Variants in PPP2R5C observed in about 807,000 individuals in gnomAD.
The protein encoded by PPP2R5C is serine/threonine-protein phosphatase 2A 56 kDa regulatory subunit gamma isoform.
A neutral mutation model predicts 68.9 loss-of-function variants in PPP2R5C; 7 were observed. That is an observed-to-expected ratio of 0.10 (90% confidence interval 0.06 to 0.19). The LOEUF is 0.19. Ranked by LOEUF, PPP2R5C falls within the 10% of genes least tolerant of loss-of-function variation. The probability of loss-of-function intolerance (pLI) is 1.00; values close to 1 mark genes in which losing one functional copy is unlikely to be tolerated. For missense variants in PPP2R5C, 348 were observed against 641.3 expected (o/e 0.54, Z 4.94); for synonymous variants, 210 against 222.2 (o/e 0.95, Z 0.49).
intron 10 of PPP2R5C, among the ~76,000 whole-genome samples, chr14:101,907,264 G>C (rs193113799): frequency 5.9e-5 from 9 of 152,100 alleles, no homozygotes; most frequent in African/African-American, 2.2e-4. Flanking sequence ...TCGACCTCCT[G>C]GGCTCAAGCA....
chr14:101,848,612 A>G (rs1341552123), intron 1 of PPP2R5C, among the ~76,000 whole-genome samples: 1 of 152,128 alleles, frequency 6.6e-6, no homozygotes, highest in African/African-American at 2.4e-5. Context: ...TCTCAGGTAG[A>G]TCCAGGTGAG....
chr14:101,773,722 TCTCA>T (rs1444920076), intron 2 of PPP2R5C, among the ~76,000 whole-genome samples: 2 of 152,034 alleles, frequency 1.3e-5, no homozygotes, highest in East Asian at 3.9e-4. Context: ...AGAGACAGGG[TCTCA>T]CTCTGTTGCC....
Position 101,786,008 on chromosome 14 carries a change from G to GTTTTT in PPP2R5C, c.94-6_94-5insTTTTT. 1 of 1,519,688 alleles carries GTTTTT rather than the reference G, an allele frequency of 6.6e-7. No individual in the cohort carries two copies. Among genetic ancestry groups the GTTTTT allele is most frequent in the East Asian group, 2.5e-5 (1 of 40,630 alleles). 94.1% of individuals were successfully genotyped at this position (1,519,688 alleles called of 1,614,324 possible). On this transcript the variant is annotated splice_polypyrimidine_tract_variant and intron_variant, in intron 2 of 14. Coordinates refer to the PPP2R5C transcript ENST00000328724. ...TACATATTCATTTGTTTTTGTTTTTGTTTTGGAAGCAAATTTCCGTCAGGA... is the reference window on the plus strand; with the variant it reads ...TACATATTCATTTGTTTTTGTTTTTGTTTTTTTTTGGAAGCAAATTTCCGTCAGGA...
At chr14:101,907,992 G>A (rs1053123814) in intron 10 of PPP2R5C, among the ~76,000 whole-genome samples, 19 of 152,212 alleles carry the variant, frequency 1.2e-4, no homozygotes, top group African/African-American at 4.6e-4. Flanking sequence ...AGAAGGGCAG[G>A]CAGATCAGAG....
upstream of PPP2R5C, among the ~76,000 whole-genome samples, chr14:101,806,397 A>T (rs1021409299): frequency 5.9e-5 from 9 of 152,026 alleles, no homozygotes; most frequent in African/African-American, 2.2e-4. Flanking sequence ...GCTGAGAATG[A>T]TGGCTTCCAG....
rs1422051693 is a variant in PPP2R5C at position 101,877,385 on chromosome 14, G to A, written c.295-4776G>A. 2.0e-5 allele frequency among the ~76,000 whole-genome samples: 3 copies of A among 152,146 alleles called. No homozygotes were observed. The highest frequency in any genetic ancestry group is 7.2e-5 in the African/African-American group (3 of 41,420). On this transcript the variant is annotated intron_variant, in intron 2 of 13. Transcript: ENST00000334743. The surrounding 1 kb of genome is among the most constrained non-coding windows in gnomAD (Gnocchi z 4.2). ...TGCCTTTGTTGGGCAGCGTGATTCTGCGTCTGTGCCTCTGGGTGTGCGCTG... is the reference window on the plus strand; with the variant it reads ...TGCCTTTGTTGGGCAGCGTGATTCTACGTCTGTGCCTCTGGGTGTGCGCTG...
intron 13 of PPP2R5C, among the ~76,000 whole-genome samples, chr14:101,922,834 T>A (rs530202788): frequency 2.1e-4 from 32 of 152,016 alleles, no homozygotes; most frequent in African/African-American, 4.6e-4. Flanking sequence ...AAAAAAAAAA[T>A]TTTAAAGAAA....
At chr14:101,829,641 C>T (rs2040614107) in intron 1 of PPP2R5C, among the ~76,000 whole-genome samples, 1 of 152,136 alleles carries the variant, frequency 6.6e-6, no homozygotes, top group South Asian at 2.1e-4. Context: ...GACGATTTTT[C>T]CTCTTAACCT....
At chr14:101,787,497 C>T (rs1456981883) in intron 3 of PPP2R5C, among the ~76,000 whole-genome samples, 4 of 151,968 alleles carry the variant, frequency 2.6e-5, no homozygotes, top group African/African-American at 9.7e-5. Flanking sequence ...GGCGCAGTGG[C>T]TCATGCCTGT....
chr14:101,844,690 A>G (rs2041715077), intron 1 of PPP2R5C, among the ~76,000 whole-genome samples: 1 of 152,218 alleles, frequency 6.6e-6, no homozygotes, highest in South Asian at 2.1e-4. Flanking sequence ...TTTTCAGTGT[A>G]TCTTTTTCAC....
In PPP2R5C at chr14:101,877,898, G is replaced by A. The variant is rs1215551831; in HGVS notation, c.295-4263G>A. Among the ~76,000 whole-genome samples, 1 of 152,218 alleles carries A rather than the reference G, an allele frequency of 6.6e-6. No individual in the cohort carries two copies. The highest frequency in any genetic ancestry group is 1.9e-4 in the East Asian group (1 of 5,198). On this transcript the variant is annotated intron_variant, in intron 2 of 13. Coordinates refer to ENST00000334743, the Ensembl canonical transcript of PPP2R5C. This position sits in a 1 kb window ranked among gnomAD's most constrained non-coding sequence, Gnocchi z 4.2. ...CTGGAATGAACCTTCCCGGACCTAG[G>A]TCGGTCATCAGTCAAGGACGCTGTA...
intron 2 of PPP2R5C, among the ~76,000 whole-genome samples, chr14:101,864,672 G>A (rs1242988777): frequency 1.3e-5 from 2 of 152,168 alleles, no homozygotes. Context: ...GAGGGAAGGG[G>A]AGGGGAGTGT....
chr14:101,828,375 T>C (rs1050767190), intron 1 of PPP2R5C, among the ~76,000 whole-genome samples: 1 of 152,202 alleles, frequency 6.6e-6, no homozygotes, highest in African/African-American at 2.4e-5. Flanking sequence ...GTACTTGAAG[T>C]GGTTCATTGT....
chr14:101,766,752 G>GTGGA (rs2036881610), intron 2 of PPP2R5C: 1 of 152,230 alleles, frequency 6.6e-6, no homozygotes, highest in East Asian at 1.9e-4. Context: ...TGGGTCACTT[G>GTGGA]AAGTTGGAAA....
rs962564273 is a variant in PPP2R5C at position 101,819,065 on chromosome 14, T to G, written c.94+9029T>G. The G allele has an allele frequency of 6.4e-7, 1 of 1,551,054 alleles. No individual in the cohort carries two copies. The highest frequency in any genetic ancestry group is 1.4e-5 in the African/African-American group (1 of 73,046). ...CTTCCTGAGTTGCTGGTTCTTATTT[T>G]TGGTGGGCTTCAAGGAAGAGGTGGG... On this transcript the variant is annotated intron_variant, in intron 1 of 13. Coordinates refer to ENST00000334743, the Ensembl canonical transcript of PPP2R5C.
At chr14:101,911,679 T>C (rs750733657) in intron 11 of PPP2R5C, among the ~76,000 whole-genome samples, 10 of 152,092 alleles carry the variant, frequency 6.6e-5, no homozygotes, top group Admixed American at 1.3e-4. Flanking sequence ...GGTCAGGAGT[T>C]CGAGACCAGC....
At chr14:101,811,736 ATAAC>A (rs1312178062) in intron 1 of PPP2R5C, among the ~76,000 whole-genome samples, 8 of 152,242 alleles carry the variant, frequency 5.3e-5, no homozygotes, top group Non-Finnish European at 1.0e-4. Flanking sequence ...CCACTTATAA[ATAAC>A]ATAAATCTTT....
intron 1 of PPP2R5C, among the ~76,000 whole-genome samples, chr14:101,845,963 G>A (rs923596636): frequency 6.6e-6 from 1 of 152,184 alleles, no homozygotes; most frequent in South Asian, 2.1e-4. Flanking sequence ...CAAATGAAGT[G>A]TACCTGGCGG....
chr14:101,792,503 C>T (rs1335281338), intron 3 of PPP2R5C, among the ~76,000 whole-genome samples: 1 of 152,186 alleles, frequency 6.6e-6, no homozygotes, highest in Non-Finnish European at 1.5e-5. Context: ...ACCAGAGATA[C>T]TTGGTTATCT....
Sources: allele counts gnomAD v4.1 joint callset (sites outside exome capture counted in the v4.1 genomes callset), GRCh38; gene constraint gnomAD v4.1.1; non-coding constraint Gnocchi (gnomAD v3.1); transcripts MANE v1.5; gene names NCBI Gene and HGNC (gene_info 2026-07-23, HGNC 2026-07-21).